NUMB: variants seen among roughly 807,000 people sequenced by gnomAD.
The protein encoded by NUMB is NUMB endocytic adaptor protein.
In NUMB, 29 loss-of-function variants were observed where a neutral mutation model predicts 59.7. The ratio of observed to expected loss-of-function variants is 0.49; its 90% CI spans 0.36 to 0.66. The LOEUF is 0.66. Ranked by LOEUF, NUMB falls within the 30% of genes least tolerant of loss-of-function variation. The probability of loss-of-function intolerance (pLI) is 0.00; values close to 1 mark genes in which losing one functional copy is unlikely to be tolerated. For missense variants in NUMB, 723 were observed against 822.0 expected (o/e 0.88, Z 1.47); for synonymous variants, 288 against 288.2 (o/e 1.00, Z 0.01).
chr14:73,368,948 C>T (rs1330135649), intron 2 of NUMB, among the ~76,000 whole-genome samples: 4 of 152,130 alleles, frequency 2.6e-5, no homozygotes, highest in Non-Finnish European at 4.4e-5. Flanking sequence ...AAAAGTTTTC[C>T]TTCTGTTAGT....
At chr14:73,384,219 G>GCCCA (rs1895386061) in intron 2 of NUMB, among the ~76,000 whole-genome samples, 1 of 151,098 alleles carries the variant, frequency 6.6e-6, no homozygotes, top group South Asian at 2.1e-4. Context: ...CTCCTGAGTA[G>GCCCA]CTGGGACTAT....
At chr14:73,399,419 C>A (rs1378367850) in intron 2 of NUMB, among the ~76,000 whole-genome samples, 2 of 152,038 alleles carry the variant, frequency 1.3e-5, no homozygotes, top group Non-Finnish European at 2.9e-5. Flanking sequence ...CAAAATTAGC[C>A]GGGTGTGGTG....
intron 1 of NUMB, among the ~76,000 whole-genome samples, chr14:73,455,180 C>T (rs1295178054): frequency 6.6e-6 from 1 of 152,006 alleles, no homozygotes; most frequent in South Asian, 2.1e-4. Flanking sequence ...AACCAAAAAT[C>T]CTGATGCAAA....
At position 73,284,112 on chromosome 14, in the gene NUMB, C is replaced by G. The variant is rs201527857; in HGVS notation, c.918G>C (p.Gln306His). The G allele has an allele frequency of 3.1e-6, 5 of 1,614,148 alleles. No homozygotes were observed. The highest frequency in any genetic ancestry group is 4.2e-6 in the Non-Finnish European group (5 of 1,180,028). The change falls in exon 10 of 13, where the codon CAG (glutamine) becomes CAC (histidine). Residue 306 changes from glutamine to histidine, a missense_variant. Physicochemically the swap from Gln to His is conservative, Grantham distance 24 (BLOSUM62 0). Transcript: ENST00000555238. The part of the protein sequence containing the change: ...LRINELPSTM[Q>H]RKTDFPIKNA... ...TTTTAATGGGGAAATCAGTCTTCCT[C>G]TGCATAGTGGAAGGCAACTCATTGA...
rs1430002627 is a variant in NUMB at position 73,375,599 on chromosome 14, CTGAG to C, written c.-100-8622_-100-8619del. 3.3e-5 allele frequency among the ~76,000 whole-genome samples: 5 copies of C among 152,208 alleles called. 1 individual carries two copies. In the South Asian group the frequency reaches 1.0e-3, roughly 32 times the overall value. The stretch of plus-strand genomic sequence containing the variant: ...TATATGCCATTTTTCAAAGTTTTAA[CTGAG>C]TATTTGATCAGCATGCCATGAAGGG... On this transcript the variant is annotated intron_variant, in intron 2 of 12. Transcript: ENST00000555238.
At chr14:73,426,463 T>C (rs1897583163) in intron 1 of NUMB, among the ~76,000 whole-genome samples, 1 of 151,994 alleles carries the variant, frequency 6.6e-6, no homozygotes, top group Non-Finnish European at 1.5e-5. Context: ...TCTCAGCAAT[T>C]TGGGAGGCCA....
chr14:73,310,870 A>G (rs929977557), intron 6 of NUMB, among the ~76,000 whole-genome samples: 1 of 152,164 alleles, frequency 6.6e-6, no homozygotes, highest in African/African-American at 2.4e-5. Flanking sequence ...CAGATTACTT[A>G]GTTCATAGGG....
At chr14:73,281,552 G>A (rs1888638089) in intron 11 of NUMB, 1 of 152,170 alleles carries the variant, frequency 6.6e-6, no homozygotes. Flanking sequence ...CAAAAGAAAT[G>A]GAGAAACAGC....
chr14:73,438,110 G>A (rs954784837), intron 1 of NUMB, among the ~76,000 whole-genome samples: 2 of 152,148 alleles, frequency 1.3e-5, no homozygotes, highest in African/African-American at 4.8e-5. Context: ...AAGCAACTGT[G>A]CAATGTTTTG....
At chr14:73,395,030 CGTGTGTTTGT>C (rs1336163173) in intron 2 of NUMB, among the ~76,000 whole-genome samples, 907 of 58,324 alleles carry the variant, frequency 0.016, 9 homozygotes, top group Middle Eastern at 0.038. Context: ...GAATAGTATT[CGTGTGTTTGT>C]GTGTGTGTGT....
At chr14:73,289,153 C>G (rs1412221576) in intron 8 of NUMB, among the ~76,000 whole-genome samples, 1 of 134,962 alleles carries the variant, frequency 7.4e-6, no homozygotes, top group Non-Finnish European at 1.5e-5. Context: ...CCCCCATACC[C>G]TTCCTATCTT....
At chr14:73,386,589 A>T (rs1316919754) in intron 2 of NUMB, among the ~76,000 whole-genome samples, 1 of 152,204 alleles carries the variant, frequency 6.6e-6, no homozygotes, top group Non-Finnish European at 1.5e-5. Flanking sequence ...AAGGCTTTGA[A>T]TAACTCTCCC....
intron 1 of NUMB, among the ~76,000 whole-genome samples, chr14:73,412,632 GA>G (rs1180955520): frequency 0.014 from 1,319 of 92,504 alleles, 12 homozygotes; most frequent in Admixed American, 0.02. Context: ...CGTCTCAAAA[GA>G]AAAAAAAAAA....
intron 2 of NUMB, among the ~76,000 whole-genome samples, chr14:73,385,496 C>CTTTTTTT (rs35526624): frequency 3.5e-4 from 23 of 65,342 alleles, no homozygotes; most frequent in African/African-American, 5.3e-4. Context: ...GGCTAGTGGC[C>CTTTTTTT]TTTTTTTTTT....
chr14:73,337,532 C>T (rs1205287363), intron 4 of NUMB, among the ~76,000 whole-genome samples: 1 of 152,072 alleles, frequency 6.6e-6, no homozygotes, highest in East Asian at 1.9e-4. Context: ...TACATCTTAA[C>T]TAAGAATAGA....
At chr14:73,322,360 T>C (rs573881254) in intron 5 of NUMB, among the ~76,000 whole-genome samples, 1 of 152,356 alleles carries the variant, frequency 6.6e-6, no homozygotes, top group Admixed American at 6.5e-5. Flanking sequence ...GCCTGGGATG[T>C]GTTCTATCGC....
At chr14:73,326,427 G>A (rs2139933815) in intron 4 of NUMB, among the ~76,000 whole-genome samples, 1 of 152,234 alleles carries the variant, frequency 6.6e-6, no homozygotes, top group South Asian at 2.1e-4. Context: ...AGGAGTTTGA[G>A]ACCAGCTTGG....
chr14:73,403,311 T>C (rs1209698941), intron 2 of NUMB, among the ~76,000 whole-genome samples: 1 of 152,218 alleles, frequency 6.6e-6, no homozygotes, highest in African/African-American at 2.4e-5. Context: ...GTAAGCTTTA[T>C]AGTCAGGTTT....
intron 1 of NUMB, among the ~76,000 whole-genome samples, chr14:73,419,915 G>A (rs1897288603): frequency 6.6e-6 from 1 of 152,186 alleles, no homozygotes; most frequent in South Asian, 2.1e-4. Context: ...GCCCAGAATG[G>A]AGTGCAGTAG....
Sources: allele counts gnomAD v4.1 joint callset (sites outside exome capture counted in the v4.1 genomes callset), GRCh38; gene constraint gnomAD v4.1.1; transcripts MANE v1.5; gene names NCBI Gene and HGNC (gene_info 2026-07-23, HGNC 2026-07-21).